The following PSD3 variants were observed in gnomAD, a reference collection of about 807,000 sequenced individuals.
PSD3 encodes the protein PH and SEC7 domain-containing protein 3.
In PSD3, 49 loss-of-function variants were observed where a neutral mutation model predicts 105.5. The observed-to-expected ratio is 0.46, with a 90% CI of 0.37 to 0.59. The LOEUF (loss-of-function observed/expected upper bound fraction) is 0.59. Among genes scored for constraint, PSD3 ranks in the 20% least tolerant of loss-of-function variants. The pLI is 0.00. For synonymous variants in PSD3, 557 were observed against 457.8 expected, an observed-to-expected ratio of 1.22 and a Z score of -2.77; for missense variants, 1,561 against 1,263.8, an observed-to-expected ratio of 1.24 and a Z score of -3.57.
intron 4 of PSD3, chr8:18,808,625 C>T: frequency 8.1e-7 from 1 of 1,228,916 alleles, no homozygotes; most frequent in Admixed American, 2.4e-5. Flanking sequence ...AAATAAAGCA[C>T]AAAGGATAAA....
chr8:18,712,917 A>G (rs1802342560), intron 9 of PSD3, among the ~76,000 whole-genome samples: 1 of 152,198 alleles, frequency 6.6e-6, no homozygotes, highest in Admixed American at 6.5e-5. Flanking sequence ...CCCGAAGCAC[A>G]TTGAAAAACT....
At chr8:18,713,070 G>C (rs147486535) in intron 9 of PSD3, among the ~76,000 whole-genome samples, 1 of 152,242 alleles carries the variant, frequency 6.6e-6, no homozygotes, top group Non-Finnish European at 1.5e-5. Context: ...AAAGACCTTT[G>C]ATAAAATTCA....
chr8:19,051,319 G>A (rs1438193900), intron 1 of PSD3, among the ~76,000 whole-genome samples: 1 of 152,088 alleles, frequency 6.6e-6, no homozygotes, highest in Non-Finnish European at 1.5e-5. Context: ...CCTGCTTTCT[G>A]GGATCAGACT....
chr8:18,561,416 A>C (rs1801390737), intron 14 of PSD3, among the ~76,000 whole-genome samples: 1 of 152,182 alleles, frequency 6.6e-6, no homozygotes, highest in Non-Finnish European at 1.5e-5. Flanking sequence ...TATGGAATCT[A>C]AAACAATTGA....
At chr8:18,678,443 C>T (rs1800190569) in intron 9 of PSD3, among the ~76,000 whole-genome samples, 1 of 152,222 alleles carries the variant, frequency 6.6e-6, no homozygotes, top group African/African-American at 2.4e-5. Context: ...TTCTCTCTGC[C>T]TATCATTCTT....
intron 11 of PSD3, among the ~76,000 whole-genome samples, chr8:18,615,060 A>C (rs559833064): frequency 6.6e-6 from 1 of 152,268 alleles, no homozygotes; most frequent in South Asian, 2.1e-4. Flanking sequence ...ATGAATTCTA[A>C]ATTTCTTTTC....
chr8:19,021,157 C>A (rs144159507), intron 1 of PSD3, among the ~76,000 whole-genome samples: 3 of 152,254 alleles, frequency 2.0e-5, no homozygotes, highest in East Asian at 1.9e-4. Flanking sequence ...GAATCTGAAA[C>A]GAGCAGTCAG....
chr8:18,712,238 C>T (rs1329258697), intron 9 of PSD3, among the ~76,000 whole-genome samples: 2 of 151,720 alleles, frequency 1.3e-5, no homozygotes, highest in African/African-American at 4.8e-5. Flanking sequence ...AGCAAACAAA[C>T]CTCAAAGCCC....
At chr8:18,561,707 A>G (rs541162999) in intron 14 of PSD3, among the ~76,000 whole-genome samples, 3 of 152,122 alleles carry the variant, frequency 2.0e-5, no homozygotes, top group Non-Finnish European at 4.4e-5. Context: ...AAAATATTTA[A>G]TTTTTTTCCT....
chr8:18,993,337 G>A (rs1825906361), intron 1 of PSD3, among the ~76,000 whole-genome samples: 1 of 152,064 alleles, frequency 6.6e-6, no homozygotes, highest in Non-Finnish European at 1.5e-5. Context: ...TCACATACCT[G>A]TTCACTGTTA....
intron 4 of PSD3, among the ~76,000 whole-genome samples, chr8:18,850,754 GT>G: frequency 6.6e-6 from 1 of 152,262 alleles, no homozygotes; most frequent in Non-Finnish European, 1.5e-5. Context: ...AAACTGAGGG[GT>G]CATGAGAGGA....
chr8:19,005,757 G>A (rs1826646436), intron 1 of PSD3, among the ~76,000 whole-genome samples: 1 of 152,002 alleles, frequency 6.6e-6, no homozygotes, highest in Non-Finnish European at 1.5e-5. Context: ...CCAAAGTGCT[G>A]AGATTACAGG....
At chr8:18,928,178 G>A (rs1821499548) in intron 2 of PSD3, among the ~76,000 whole-genome samples, 1 of 152,170 alleles carries the variant, frequency 6.6e-6, no homozygotes, top group Non-Finnish European at 1.5e-5. Context: ...GGCGCCAGGT[G>A]GAGATAATGG....
chr8:18,870,509 A>G (rs1375487513), intron 3 of PSD3, among the ~76,000 whole-genome samples: 1 of 152,138 alleles, frequency 6.6e-6, no homozygotes, highest in East Asian at 1.9e-4. Flanking sequence ...GGAGGGGAAT[A>G]TCACCCACCG....
chr8:18,568,676 C>G (rs1250933502), intron 14 of PSD3, among the ~76,000 whole-genome samples: 1 of 151,006 alleles, frequency 6.6e-6, no homozygotes, highest in Non-Finnish European at 1.5e-5. Context: ...TTAAAATGGG[C>G]CTTTCTGCTT....
chr8:18,716,120 C>G (rs1285046384), intron 9 of PSD3, among the ~76,000 whole-genome samples: 2 of 152,094 alleles, frequency 1.3e-5, no homozygotes, highest in Non-Finnish European at 2.9e-5. Context: ...GTGCAGAGAA[C>G]AAAATCTAGT....
At chr8:18,684,138 C>G (rs1436660110) in intron 9 of PSD3, 3 of 471,970 alleles carry the variant, frequency 6.4e-6, no homozygotes, top group East Asian at 7.0e-5. Flanking sequence ...GTTCCAGGCA[C>G]AGCTCACGTC....
At chr8:18,641,447 A>G (rs1807634596) in intron 10 of PSD3, among the ~76,000 whole-genome samples, 1 of 152,164 alleles carries the variant, frequency 6.6e-6, no homozygotes, top group South Asian at 2.1e-4. Flanking sequence ...TGGCTAAAAC[A>G]TTTTTTATAA....
rs553963273 is a variant in PSD3 at position 18,576,014 on chromosome 8, C to T, written c.2482-729G>A. ...AAACATGCATTCTGTAAAACACACA[C>T]GTGTACCCCCGAACACACACACCAC... is the stretch of plus-strand genomic sequence containing the variant. On this transcript the variant is annotated intron_variant, in intron 12 of 15. Transcript: ENST00000327040. Among the ~76,000 whole-genome samples the T allele has an allele frequency of 7.1e-4, 108 of 152,224 alleles. 1 individual carries two copies. Among genetic ancestry groups the T allele is most frequent in the Admixed American group, 1.6e-3 (25 of 15,276 alleles).
Sources: allele counts gnomAD v4.1 joint callset (sites outside exome capture counted in the v4.1 genomes callset), GRCh38; gene constraint gnomAD v4.1.1; transcripts MANE v1.5; gene names NCBI Gene and HGNC (gene_info 2026-07-23, HGNC 2026-07-21).